The following TTBK2 variants were observed in gnomAD, a reference collection of about 807,000 sequenced individuals.
TTBK2 encodes the protein tau tubulin kinase 2.
TTBK2 carries 28 observed loss-of-function variants against 110.8 expected under a neutral mutation model. The observed-to-expected ratio is 0.25, with a 90% CI of 0.19 to 0.35. TTBK2 has a LOEUF of 0.35. Among genes scored for constraint, TTBK2 ranks in the 10% least tolerant of loss-of-function variants. The pLI is 1.00. For missense variants in TTBK2, 1,369 were observed against 1,500.3 expected (o/e 0.91, Z 1.45); for synonymous variants, 532 against 527.3 (o/e 1.01, Z -0.12).
chr15:42,759,357 C>A (rs2061991160), intron 13 of TTBK2, among the ~76,000 whole-genome samples: 3 of 152,200 alleles, frequency 2.0e-5, no homozygotes, highest in South Asian at 4.1e-4. Context: ...GGCAGATACA[C>A]CCCCAGGCCA....
chr15:42,896,748 T>C (rs976750679), intron 1 of TTBK2, among the ~76,000 whole-genome samples: 1 of 152,050 alleles, frequency 6.6e-6, no homozygotes, highest in African/African-American at 2.4e-5. Flanking sequence ...TGAGCCATGA[T>C]CACACCACTG....
At chr15:42,801,441 T>A (rs1891198761) in intron 9 of TTBK2, 1 of 882,982 alleles carries the variant, frequency 1.1e-6, no homozygotes, top group African/African-American at 1.6e-5. Flanking sequence ...CTCTGGCCTT[T>A]GAGACCCTCA....
At chr15:42,748,623 G>C (rs2061826582) in intron 14 of TTBK2, among the ~76,000 whole-genome samples, 1 of 151,978 alleles carries the variant, frequency 6.6e-6, no homozygotes, top group Middle Eastern at 3.4e-3. Flanking sequence ...ATGTTGCCCA[G>C]GCTGGTCTCA....
intron 1 of TTBK2, among the ~76,000 whole-genome samples, chr15:42,886,003 A>G (rs1895229019): frequency 6.6e-6 from 1 of 152,260 alleles, no homozygotes; most frequent in East Asian, 1.9e-4. Context: ...AAATGGGCAA[A>G]TGGTCTGAGG....
chr15:42,885,637 G>T (rs555318029), intron 1 of TTBK2, among the ~76,000 whole-genome samples: 4 of 152,100 alleles, frequency 2.6e-5, no homozygotes, highest in Non-Finnish European at 5.9e-5. Flanking sequence ...AGCAAGCACC[G>T]CCTTTCTGGG....
At chr15:42,814,120 C>T (rs948735066) in intron 7 of TTBK2, among the ~76,000 whole-genome samples, 8 of 151,944 alleles carry the variant, frequency 5.3e-5, no homozygotes, top group African/African-American at 1.9e-4. Context: ...CTCCCAGGTT[C>T]CAGCAATTCT....
chr15:42,872,299 A>T (rs1260990581), intron 3 of TTBK2, among the ~76,000 whole-genome samples: 1 of 152,222 alleles, frequency 6.6e-6, no homozygotes, highest in Admixed American at 6.5e-5. Context: ...TTGGTAGTTT[A>T]AAAAAGAAAG....
intron 7 of TTBK2, among the ~76,000 whole-genome samples, chr15:42,815,927 TAAAAATATATATATATATATTTAAAAA>T (rs1567040393): frequency 5.9e-4 from 31 of 52,418 alleles, no homozygotes; most frequent in South Asian, 3.6e-3. Flanking sequence ...TATATATATT[TAAAAATATATATATATATATTTAAAAA>T]AAAAATATAT....
intron 13 of TTBK2, among the ~76,000 whole-genome samples, chr15:42,762,263 A>C (rs1030493206): frequency 6.6e-6 from 1 of 152,200 alleles, no homozygotes; most frequent in African/African-American, 2.4e-5. Context: ...TTCCTCAAAA[A>C]ACTACAAATA....
intron 1 of TTBK2, among the ~76,000 whole-genome samples, chr15:42,899,008 A>G (rs1895777147): frequency 6.6e-6 from 1 of 151,916 alleles, no homozygotes. Context: ...TTGGCAGGGG[A>G]GAGAGAGAGG....
Position 42,739,145 on chromosome 15 carries a change from T to C in TTBK2, c.*6650A>G, listed in dbSNP as rs2061735219. 6.6e-6 allele frequency: 1 copy of C among 152,220 alleles called. No homozygotes were observed. The highest frequency in any genetic ancestry group is 6.5e-5 in the Admixed American group (1 of 15,282). 9.4% of individuals were successfully genotyped at this position (152,220 alleles called of 1,614,324 possible). A position where few individuals can be genotyped will look rare whatever the true frequency, so the allele number is the denominator to read the frequency against. ...GGCCTATACAAAAGCACTCCATGTT[T>C]CTGCCGATACTCTGTCCTTGGTTGC... On this transcript the variant is annotated 3_prime_UTR_variant, in exon 15 of 15. Coordinates refer to ENST00000267890, the MANE Select transcript of TTBK2 (RefSeq NM_173500.4).
At chr15:42,771,428 A>C (rs1889672528) in intron 13 of TTBK2, among the ~76,000 whole-genome samples, 1 of 152,182 alleles carries the variant, frequency 6.6e-6, no homozygotes, top group Non-Finnish European at 1.5e-5. Flanking sequence ...AAATCACTTC[A>C]GGTTGTTTAA....
At chr15:42,882,843 CTA>C (rs1001454925) in intron 1 of TTBK2, among the ~76,000 whole-genome samples, 2 of 152,034 alleles carry the variant, frequency 1.3e-5, no homozygotes, top group African/African-American at 4.8e-5. Flanking sequence ...AAAATTAAGA[CTA>C]TGTGTTGTCA....
At position 42,827,996 on chromosome 15, in the gene TTBK2, T is replaced by C; in HGVS notation, c.469A>G (p.Arg157Gly). The change falls in exon 6 of 15, where the codon AGG becomes GGG. Residue 157 changes from arginine to glycine, a missense_variant. Around this residue, in one of 4 missense-constraint regions of TTBK2, gnomAD observed 12 missense variants for 47.0 expected, o/e 0.26. Coordinates refer to ENST00000267890, the MANE Select transcript of TTBK2 (RefSeq NM_173500.4). ...FAMGRFPSTC[R>G]KCYMLDFGLA... Reference sequence around the variant, plus strand: ...CCAAAATCAAGCATGTAACATTTCCTACATGTACTAGGAAAGCGACCCATA... The same window carrying C: ...CCAAAATCAAGCATGTAACATTTCCCACATGTACTAGGAAAGCGACCCATA... 6.2e-7 allele frequency: 1 copy of C among 1,613,622 alleles called. No homozygotes were observed. The highest frequency in any genetic ancestry group is 8.5e-7 in the Non-Finnish European group (1 of 1,179,768).
At chr15:42,781,306 G>C (rs1470508654) in intron 11 of TTBK2, among the ~76,000 whole-genome samples, 1 of 151,896 alleles carries the variant, frequency 6.6e-6, no homozygotes, top group African/African-American at 2.4e-5. Context: ...TTAACTCATG[G>C]ATGAAAAAAA....
chr15:42,907,688 A>G (rs562822021), intron 1 of TTBK2, among the ~76,000 whole-genome samples: 2 of 152,232 alleles, frequency 1.3e-5, no homozygotes, highest in East Asian at 1.9e-4. Context: ...AAGAAATGGG[A>G]AAAAAAGAAT....
At chr15:42,862,622 C>T (rs563151409) in intron 3 of TTBK2, among the ~76,000 whole-genome samples, 1 of 152,288 alleles carries the variant, frequency 6.6e-6, no homozygotes, top group African/African-American at 2.4e-5. Flanking sequence ...GGCGCGGTGG[C>T]TCACACCTGT....
rs535712389 is a variant in TTBK2, at chr15:42,822,700, C to T, written c.537+5228G>A. Among the ~76,000 whole-genome samples the T allele has an allele frequency of 1.2e-4, 18 of 152,216 alleles. No homozygotes were observed. The South Asian group carries it at 3.1e-3, about 26-fold the overall frequency. On this transcript the variant is annotated intron_variant, in intron 6 of 14. Transcript: ENST00000267890. ...CTTATAACAGTAGGTAATTGGAATT[C>T]ATAAAATATTTTTAAGCTGGAAAGT...
rs549283835 is a variant in TTBK2, at chr15:42,779,746, G to A, written c.1198-2504C>T. On this transcript the variant is annotated intron_variant, in intron 11 of 14. Transcript: ENST00000267890. ...TGTAATCCCAGCACTTTGTGAGGTC[G>A]AGGCAGGTGAATTACTTGAGGCCAG... 1.1e-4 allele frequency among the ~76,000 whole-genome samples: 16 copies of A among 152,140 alleles called. No individual in the cohort carries two copies. The East Asian group carries it at 1.2e-3, about 11-fold the overall frequency.
Sources: gnomAD v4.1 joint callset for allele counts (sites outside exome capture counted in the v4.1 genomes callset) on GRCh38, gnomAD v4.1.1 for gene constraint, gnomAD v4.1.1 regional missense constraint, MANE v1.5 for transcripts, NCBI Gene and HGNC (gene_info 2026-07-23, HGNC 2026-07-21) for gene names.